The following DACH2 variants were observed in gnomAD, a reference collection of about 807,000 sequenced individuals.
DACH2 encodes dachshund family transcription factor 2, also known as dachshund homolog 2.
In DACH2, 17 loss-of-function variants were observed where a neutral mutation model predicts 35.8. The ratio of observed to expected loss-of-function variants is 0.48; its 90% CI spans 0.33 to 0.71. DACH2 has a LOEUF of 0.71. Among genes scored for constraint, DACH2 ranks in the 30% least tolerant of loss-of-function variants. The pLI is 0.02. For missense variants in DACH2, 469 were observed against 472.7 expected (o/e 0.99, Z 0.07); for synonymous variants, 195 against 177.3 (o/e 1.10, Z -0.79).
chrX:86,674,859 T>G (rs1007394567), intron 4 of DACH2, among the ~76,000 whole-genome samples: 1 of 111,000 alleles, frequency 9.0e-6, no homozygotes, highest in Non-Finnish European at 1.9e-5. Flanking sequence ...TCTTGCCCCA[T>G]GCTTTTATGT....
intron 3 of DACH2, among the ~76,000 whole-genome samples, chrX:86,588,091 A>AGAC (rs752070761): frequency 2.9e-4 from 32 of 111,446 alleles, no homozygotes; most frequent in Non-Finnish European, 5.9e-4. Context: ...GAGTATGGAT[A>AGAC]GACAGTTATC....
At chrX:86,556,795 T>TATAGAGAGAGAGAG (rs1232719385) in intron 3 of DACH2, among the ~76,000 whole-genome samples, 5 of 25,301 alleles carry the variant, frequency 2.0e-4, no homozygotes, top group East Asian at 1.7e-3. Context: ...TATATATATA[T>TATAGAGAGAGAGAG]AGAGAGAGAG....
At chrX:86,609,418 C>A (rs910951442) in intron 3 of DACH2, among the ~76,000 whole-genome samples, 6 of 112,008 alleles carry the variant, frequency 5.4e-5, no homozygotes, top group African/African-American at 1.6e-4. Flanking sequence ...ATTTTGAATT[C>A]TCTGTCAGAA....
chrX:86,828,168 G>T, intron 11 of DACH2: 1 of 136,363 alleles, frequency 7.3e-6, no homozygotes, highest in Non-Finnish European at 1.5e-5. Flanking sequence ...TTAAAATGCA[G>T]GCACACCTAC....
chrX:86,320,212 GAA>G (rs1170693733), intron 1 of DACH2, among the ~76,000 whole-genome samples: 1 of 111,650 alleles, frequency 9.0e-6, no homozygotes, highest in African/African-American at 3.3e-5. Flanking sequence ...AGTTGACTGA[GAA>G]AAAAACCTTT....
chrX:86,473,042 G>T (rs2037784905), intron 2 of DACH2, among the ~76,000 whole-genome samples: 1 of 111,384 alleles, frequency 9.0e-6, no homozygotes, highest in Non-Finnish European at 1.9e-5. Flanking sequence ...TGGGTACATA[G>T]TAGGTATATA....
At chrX:86,714,511 A>G (rs2041313500) in intron 5 of DACH2, 37 bp from the exon 6 acceptor site, 1 of 1,091,893 alleles carries the variant, frequency 9.2e-7, no homozygotes, top group Non-Finnish European at 1.2e-6. Flanking sequence ...TCAGATAATC[A>G]TAATGTAACA....
At chrX:86,386,396 G>T (rs756955024) in intron 2 of DACH2, among the ~76,000 whole-genome samples, 1 of 111,075 alleles carries the variant, frequency 9.0e-6, no homozygotes, top group African/African-American at 3.3e-5. Flanking sequence ...GGCTCAGGAA[G>T]TATCTGTCAG....
At chrX:86,692,008 TGA>T (rs903522505) in intron 4 of DACH2, among the ~76,000 whole-genome samples, 11 of 111,551 alleles carry the variant, frequency 9.9e-5, no homozygotes, top group African/African-American at 3.6e-4. Flanking sequence ...CATTCCAGAT[TGA>T]GTCATAATTA....
At position 86,752,354 on chromosome X, in the gene DACH2, ATGT is replaced by A. The variant is rs770025584; in HGVS notation, c.1240+12475_1240+12477del. The stretch of plus-strand genomic sequence containing the variant: ...TAATTGCATTTCCTTGTGATTACTG[ATGT>A]TGACCAACTTTTCATATATCTATTG... On this transcript the variant is annotated intron_variant, in intron 7 of 11. Coordinates refer to ENST00000373125, the MANE Select transcript of DACH2 (RefSeq NM_053281.3). 7.6e-3 allele frequency among the ~76,000 whole-genome samples: 849 copies of A among 111,683 alleles called. 10 individuals carry two copies. The highest frequency in any genetic ancestry group is 0.026 in the African/African-American group (802 of 30,793).
chrX:86,620,765 C>T (rs1426725107), intron 3 of DACH2, among the ~76,000 whole-genome samples: 1 of 107,047 alleles, frequency 9.3e-6, no homozygotes, highest in Admixed American at 1.0e-4. Flanking sequence ...GGAATAAATG[C>T]CACTAAATAA....
chrX:86,493,511 A>C (rs1482991025), intron 2 of DACH2, among the ~76,000 whole-genome samples: 1 of 112,020 alleles, frequency 8.9e-6, no homozygotes, highest in Non-Finnish European at 1.9e-5. Flanking sequence ...ATTATTAGGC[A>C]GGATTGTTAA....
chrX:86,368,485 T>G (rs1292310787), intron 1 of DACH2, among the ~76,000 whole-genome samples: 1 of 110,981 alleles, frequency 9.0e-6, no homozygotes, highest in African/African-American at 3.3e-5. Context: ...GGGATCAGTA[T>G]GCAAACTGTT....
chrX:86,442,476 A>AT (rs1602523869), intron 2 of DACH2, among the ~76,000 whole-genome samples: 1 of 98,568 alleles, frequency 1.0e-5, no homozygotes, highest in Non-Finnish European at 2.0e-5. Flanking sequence ...AGTTGTAAAT[A>AT]TTTTTTCTCT....
intron 1 of DACH2, among the ~76,000 whole-genome samples, chrX:86,282,978 CCG>C (rs2034065265): frequency 2.6e-5 from 1 of 38,235 alleles, no homozygotes; most frequent in African/African-American, 2.5e-4. Flanking sequence ...CGGGGTTTCA[CCG>C]CTTTAGCCGG....
intron 3 of DACH2, among the ~76,000 whole-genome samples, chrX:86,576,709 G>A (rs776919785): frequency 9.0e-6 from 1 of 111,218 alleles, no homozygotes; most frequent in Non-Finnish European, 1.9e-5. Flanking sequence ...TAATTCTGAA[G>A]GCAGGGCCTA....
chrX:86,200,536 A>G (rs1261738917), intron 1 of DACH2, among the ~76,000 whole-genome samples: 1 of 108,173 alleles, frequency 9.2e-6, no homozygotes, highest in Non-Finnish European at 1.9e-5. Flanking sequence ...GTGTCTGACA[A>G]TTGTCTAATA....
chrX:86,311,878 T>A (rs895768280), intron 1 of DACH2, among the ~76,000 whole-genome samples: 2 of 111,663 alleles, frequency 1.8e-5, no homozygotes, highest in African/African-American at 6.5e-5. Flanking sequence ...AGGAAGAGTA[T>A]GCATGGAATA....
At chrX:86,644,971 C>A (rs1258405652) in intron 3 of DACH2, among the ~76,000 whole-genome samples, 2 of 110,203 alleles carry the variant, frequency 1.8e-5, no homozygotes, top group Non-Finnish European at 3.8e-5. Context: ...CCCTGGAAGA[C>A]AACCTAGGCA....
Sources: gnomAD v4.1 joint callset for allele counts (sites outside exome capture counted in the v4.1 genomes callset) on GRCh38, gnomAD v4.1.1 for gene constraint, MANE v1.5 for transcripts, NCBI Gene and HGNC (gene_info 2026-07-23, HGNC 2026-07-21) for gene names.